Variants in ATRNL1 observed in about 807,000 individuals in gnomAD.
ATRNL1 encodes the protein attractin like 1.
Under a neutral mutation model 182.7 loss-of-function variants are expected in ATRNL1, and 95 were observed. The observed-to-expected ratio is 0.52, with a 90% CI of 0.44 to 0.62. The LOEUF is 0.62. ATRNL1 is among the 20% of genes least tolerant of loss of function. The pLI is 0.00. For missense variants in ATRNL1, 1,471 were observed against 1,679.5 expected, an observed-to-expected ratio of 0.88 and a Z score of 2.17; for synonymous variants, 576 against 568.3, an observed-to-expected ratio of 1.01 and a Z score of -0.19.
intron 21 of ATRNL1, among the ~76,000 whole-genome samples, chr10:115,441,079 ACT>A (rs1554965635): frequency 6.6e-6 from 1 of 151,632 alleles, no homozygotes; most frequent in East Asian, 1.9e-4. Context: ...GGAAAGAATA[ACT>A]CTGTTCCTAA....
intron 28 of ATRNL1, among the ~76,000 whole-genome samples, chr10:115,886,230 A>G (rs1555109765): frequency 6.6e-6 from 1 of 152,216 alleles, no homozygotes; most frequent in East Asian, 1.9e-4. Flanking sequence ...ACTCAAAACT[A>G]AAAAAGAAAA....
At chr10:115,586,427 A>G (rs1199815636) in intron 26 of ATRNL1, among the ~76,000 whole-genome samples, 1 of 109,866 alleles carries the variant, frequency 9.1e-6, no homozygotes, top group Non-Finnish European at 2.0e-5. Flanking sequence ...AGATAGTCCC[A>G]TATTTCTTGG....
chr10:115,582,790 T>C (rs1362455004), intron 26 of ATRNL1, among the ~76,000 whole-genome samples: 1 of 150,652 alleles, frequency 6.6e-6, no homozygotes, highest in African/African-American at 2.4e-5. Context: ...TTGCCATTGC[T>C]TTTGGTGTTT....
chr10:115,842,205 A>G (rs1555097366), intron 27 of ATRNL1, among the ~76,000 whole-genome samples: 1 of 152,116 alleles, frequency 6.6e-6, no homozygotes, highest in Non-Finnish European at 1.5e-5. Context: ...GCTGACAGGT[A>G]TAACATATCC....
At chr10:115,273,112 T>C (rs1851945492) in intron 13 of ATRNL1, among the ~76,000 whole-genome samples, 2 of 152,052 alleles carry the variant, frequency 1.3e-5, no homozygotes, top group African/African-American at 4.8e-5. Flanking sequence ...AGGAGCTCAG[T>C]GTTGGTTTCT....
intron 5 of ATRNL1, among the ~76,000 whole-genome samples, chr10:115,142,620 G>C (rs908374365): frequency 6.6e-6 from 1 of 152,148 alleles, no homozygotes; most frequent in Non-Finnish European, 1.5e-5. Flanking sequence ...CAGAAGATTA[G>C]TATTATGTGG....
chr10:115,375,133 T>C (rs890703175), intron 19 of ATRNL1, among the ~76,000 whole-genome samples: 9 of 151,884 alleles, frequency 5.9e-5, no homozygotes, highest in Non-Finnish European at 1.0e-4. Context: ...GATCTATTAA[T>C]ATTTTCTTTA....
At chr10:115,439,561 C>T (rs1592659719) in intron 21 of ATRNL1, among the ~76,000 whole-genome samples, 1 of 151,896 alleles carries the variant, frequency 6.6e-6, no homozygotes. Flanking sequence ...TATTGATACT[C>T]TGTGTTAGGG....
chr10:115,942,110 C>A (rs1953748807), intron 28 of ATRNL1, among the ~76,000 whole-genome samples: 1 of 152,214 alleles, frequency 6.6e-6, no homozygotes, highest in African/African-American at 2.4e-5. Context: ...CCATAAATTT[C>A]TCCTTCTCCA....
intron 24 of ATRNL1, among the ~76,000 whole-genome samples, chr10:115,516,876 C>G (rs1357912898): frequency 6.6e-6 from 1 of 151,840 alleles, no homozygotes; most frequent in African/African-American, 2.4e-5. Flanking sequence ...TCCAAATTAG[C>G]CGCAAATCCT....
chr10:115,912,335 C>G (rs1177834061), intron 28 of ATRNL1, among the ~76,000 whole-genome samples: 2 of 151,972 alleles, frequency 1.3e-5, no homozygotes, highest in Non-Finnish European at 2.9e-5. Context: ...TGACTGTAGT[C>G]TAACTAGTAG....
In ATRNL1 at chr10:115,945,061, G is replaced by A. The variant is rs902115911; in HGVS notation, c.*282G>A. On this transcript the variant is annotated 3_prime_UTR_variant, in exon 29 of 29. Coordinates refer to ENST00000355044, the MANE Select transcript of ATRNL1 (RefSeq NM_207303.4). ...AAAAAGATGTATATTGTTTCTTAAT[G>A]AAGATGAAAAATATGTAATTCATAT... 1 of 222,404 alleles carries A rather than the reference G, an allele frequency of 4.5e-6. No homozygotes were observed. The highest frequency in any genetic ancestry group is 9.2e-5 in the East Asian group (1 of 10,858). The allele number at this position is 222,404 out of a possible 1,614,324, so 13.8% of individuals were successfully genotyped here.
chr10:115,536,622 C>T (rs1565144708), intron 25 of ATRNL1, among the ~76,000 whole-genome samples: 1 of 152,184 alleles, frequency 6.6e-6, no homozygotes, highest in Non-Finnish European at 1.5e-5. Flanking sequence ...CACCCACTGT[C>T]CTGCGCCCAC....
chr10:115,895,821 A>G (rs1366474086), intron 28 of ATRNL1, among the ~76,000 whole-genome samples: 1 of 152,190 alleles, frequency 6.6e-6, no homozygotes, highest in Non-Finnish European at 1.5e-5. Flanking sequence ...GGCCTTCCCA[A>G]CGGAGCTGAT....
At position 115,559,437 on chromosome 10, in the gene ATRNL1, T is replaced by C. The variant is rs1437603827; in HGVS notation, c.3795+9901T>C. On this transcript the variant is annotated intron_variant, in intron 26 of 28. Coordinates refer to ENST00000355044, the MANE Select transcript of ATRNL1 (RefSeq NM_207303.4). The stretch of plus-strand genomic sequence containing the variant: ...GTTTGTGTGTGTGTGTGTGTGTGTG[T>C]GTGTGTGCGCGCGCGCACGCACGCA... 1.5e-4 allele frequency among the ~76,000 whole-genome samples: 16 copies of C among 107,936 alleles called. No homozygotes were observed. The East Asian group carries it at 5.7e-3, about 39-fold the overall frequency. The allele number at this position is 107,936 out of a possible 152,430, so 70.8% of individuals were successfully genotyped here. A position where few individuals can be genotyped will look rare whatever the true frequency, so the allele number is the denominator to read the frequency against.
At chr10:115,431,110 A>G (rs1554963843) in intron 21 of ATRNL1, among the ~76,000 whole-genome samples, 1 of 152,142 alleles carries the variant, frequency 6.6e-6, no homozygotes, top group African/African-American at 2.4e-5. Context: ...TCAAGATTGA[A>G]AAGATATAAT....
intron 26 of ATRNL1, among the ~76,000 whole-genome samples, chr10:115,632,109 A>C (rs782247285): frequency 6.6e-5 from 10 of 152,162 alleles, no homozygotes; most frequent in Non-Finnish European, 1.2e-4. Flanking sequence ...ACTAAAAAGA[A>C]GAAGGGAAGA....
At chr10:115,755,336 T>TA (rs1287450817) in intron 27 of ATRNL1, among the ~76,000 whole-genome samples, 2 of 152,206 alleles carry the variant, frequency 1.3e-5, no homozygotes, top group East Asian at 3.9e-4. Flanking sequence ...GATTTTGAGA[T>TA]ACGTTCCATC....
chr10:115,748,523 C>T (rs1948357456), intron 27 of ATRNL1, among the ~76,000 whole-genome samples: 1 of 151,554 alleles, frequency 6.6e-6, no homozygotes, highest in African/African-American at 2.4e-5. Context: ...TCTGAAAGCC[C>T]TGGACACTCT....
Sources: allele counts gnomAD v4.1 joint callset (sites outside exome capture counted in the v4.1 genomes callset), GRCh38; gene constraint gnomAD v4.1.1; transcripts MANE v1.5; gene names NCBI Gene and HGNC (gene_info 2026-07-23, HGNC 2026-07-21).